Variants in KCTD16 observed in about 807,000 individuals in gnomAD.
KCTD16 encodes potassium channel tetramerization domain containing 16.
In KCTD16, 13 loss-of-function variants were observed where a neutral mutation model predicts 33.2. The observed-to-expected ratio is 0.39, with a 90% confidence interval of 0.25 to 0.62. KCTD16 has a LOEUF of 0.62. KCTD16 is among the 20% of genes least tolerant of loss of function. The probability of loss-of-function intolerance (pLI) is 0.50; values close to 1 mark genes in which losing one functional copy is unlikely to be tolerated. For missense variants in KCTD16, 441 were observed against 525.1 expected (o/e 0.84, Z 1.57); for synonymous variants, 197 against 195.3 (o/e 1.01, Z -0.07).
At chr5:144,311,992 A>G (rs1484809569) in intron 3 of KCTD16, among the ~76,000 whole-genome samples, 1 of 152,108 alleles carries the variant, frequency 6.6e-6, no homozygotes, top group East Asian at 1.9e-4. Context: ...TTCCCTCTGA[A>G]CATTGTTAAA....
At chr5:144,360,546 C>T (rs953116165) in intron 3 of KCTD16, among the ~76,000 whole-genome samples, 30 of 151,998 alleles carry the variant, frequency 2.0e-4, no homozygotes, top group African/African-American at 6.3e-4. Flanking sequence ...ATTCTTCTGC[C>T]TCAGCCTCCC....
rs1387361260 is a variant in KCTD16 at position 144,481,808 on chromosome 5, A to C, written c.*7694A>C. The C allele has an allele frequency of 6.6e-6, 1 of 151,970 alleles. No individual in the cohort carries two copies. Among genetic ancestry groups the C allele is most frequent in the Admixed American group, 6.6e-5 (1 of 15,226 alleles). The allele number at this position is 151,970 out of a possible 1,614,324, so 9.4% of individuals were successfully genotyped here. A position where few individuals can be genotyped will look rare whatever the true frequency, so the allele number is the denominator to read the frequency against. ...TTCATTCAATTCCTAGACTAACATTATTTCTATATGTAGTTCTGATCAGTA... is the reference window on the plus strand; with the variant it reads ...TTCATTCAATTCCTAGACTAACATTCTTTCTATATGTAGTTCTGATCAGTA... On this transcript the variant is annotated 3_prime_UTR_variant, in exon 4 of 4. Transcript: ENST00000512467.
chr5:144,286,437 A>G (rs1252808184), intron 3 of KCTD16, among the ~76,000 whole-genome samples: 1 of 152,200 alleles, frequency 6.6e-6, no homozygotes, highest in Non-Finnish European at 1.5e-5. Context: ...AAGTCACTTA[A>G]CAAATAATAT....
At chr5:144,296,108 T>G (rs1398606945) in intron 3 of KCTD16, among the ~76,000 whole-genome samples, 2 of 152,204 alleles carry the variant, frequency 1.3e-5, no homozygotes, top group Non-Finnish European at 2.9e-5. Flanking sequence ...TTTCTGCTAT[T>G]GCATGCAAAG....
intron 2 of KCTD16, among the ~76,000 whole-genome samples, chr5:144,180,277 A>C (rs1054933184): frequency 3.3e-5 from 5 of 152,178 alleles, no homozygotes; most frequent in African/African-American, 1.2e-4. Flanking sequence ...GAGGGATAGC[A>C]TACTTTGAGA....
intron 3 of KCTD16, among the ~76,000 whole-genome samples, chr5:144,431,468 C>A (rs115076837): frequency 9.8e-4 from 149 of 152,254 alleles, no homozygotes; most frequent in African/African-American, 3.4e-3. Context: ...CAGTGCACAG[C>A]TTACTAATGG....
chr5:144,224,485 A>T lies in KCTD16; in HGVS notation c.832+16939A>T, dbSNP rs183602315. Among the ~76,000 whole-genome samples, 8 of 151,644 alleles carry T rather than the reference A, an allele frequency of 5.3e-5. No individual in the cohort carries two copies. The East Asian group carries it at 1.6e-3, about 29-fold the overall frequency. Reference sequence around the variant, plus strand: ...TTCTGACATAAAGAATTAATGGTAAACAAAAAAATCTATTTTGGGTGTGTT... The same window carrying T: ...TTCTGACATAAAGAATTAATGGTAATCAAAAAAATCTATTTTGGGTGTGTT... On this transcript the variant is annotated intron_variant, in intron 3 of 3. Transcript: ENST00000512467.
chr5:144,403,175 C>T (rs1310952207), intron 3 of KCTD16, among the ~76,000 whole-genome samples: 1 of 152,222 alleles, frequency 6.6e-6, no homozygotes, highest in East Asian at 1.9e-4. Flanking sequence ...AATTTAATCA[C>T]ATCTGAAAAG....
chr5:144,404,051 C>T (rs1752760921), intron 3 of KCTD16, among the ~76,000 whole-genome samples: 1 of 152,094 alleles, frequency 6.6e-6, no homozygotes, highest in Non-Finnish European at 1.5e-5. Flanking sequence ...AAGGGTGGAG[C>T]GTAGAACTCT....
intron 3 of KCTD16, among the ~76,000 whole-genome samples, chr5:144,368,129 C>T (rs79753630): frequency 0.027 from 4,050 of 151,992 alleles, 86 homozygotes; most frequent in African/African-American, 0.044. Context: ...AATAATTAAG[C>T]GAGAGTAACT....
intron 2 of KCTD16, among the ~76,000 whole-genome samples, chr5:144,197,873 G>A (rs899508440): frequency 6.6e-6 from 1 of 152,150 alleles, no homozygotes; most frequent in African/African-American, 2.4e-5. Context: ...TTATTAATTT[G>A]TTTGGCCACA....
intron 3 of KCTD16, among the ~76,000 whole-genome samples, chr5:144,403,158 G>C (rs1431577073): frequency 6.6e-6 from 1 of 152,170 alleles, no homozygotes; most frequent in Non-Finnish European, 1.5e-5. Flanking sequence ...CCCATCTCAA[G>C]ATCTTTAATT....
intron 3 of KCTD16, among the ~76,000 whole-genome samples, chr5:144,387,617 C>T (rs1390942852): frequency 1.3e-5 from 2 of 152,144 alleles, no homozygotes; most frequent in Non-Finnish European, 2.9e-5. Flanking sequence ...TGGAGTTGTG[C>T]ATAAGCCCCA....
At chr5:144,391,329 A>G (rs1752445007) in intron 3 of KCTD16, among the ~76,000 whole-genome samples, 1 of 152,234 alleles carries the variant, frequency 6.6e-6, no homozygotes, top group African/African-American at 2.4e-5. Flanking sequence ...TGATATATTT[A>G]TAAAGCTGAA....
intron 3 of KCTD16, among the ~76,000 whole-genome samples, chr5:144,454,805 C>A (rs1252425888): frequency 6.6e-6 from 1 of 151,846 alleles, no homozygotes; most frequent in Non-Finnish European, 1.5e-5. Flanking sequence ...GAAATTTAGA[C>A]CTGTAAAAAG....
At position 144,474,831 on chromosome 5, in the gene KCTD16, C is replaced by G. The variant is rs1024836801; in HGVS notation, c.*717C>G. 6.6e-6 allele frequency: 1 copy of G among 152,224 alleles called. No individual in the cohort carries two copies. The highest frequency in any genetic ancestry group is 2.4e-5 in the African/African-American group (1 of 41,450). The allele number at this position is 152,224 out of a possible 1,614,324, so 9.4% of individuals were successfully genotyped here. On this transcript the variant is annotated 3_prime_UTR_variant, in exon 4 of 4. Coordinates refer to ENST00000512467, the MANE Select transcript of KCTD16 (RefSeq NM_020768.4). ...TCCCAGCCTTTCTTCACAACACTTT[C>G]TAACATCAAATGACTCTCATCATCA... is the stretch of plus-strand genomic sequence containing the variant.
intron 3 of KCTD16, among the ~76,000 whole-genome samples, chr5:144,343,495 G>A (rs148611651): frequency 0.086 from 13,021 of 151,622 alleles, 1,368 homozygotes; most frequent in African/African-American, 0.25. Flanking sequence ...TTTTGCTAGC[G>A]GTCTATCAAT....
At chr5:144,175,332 A>G (rs1230910019) in intron 2 of KCTD16, among the ~76,000 whole-genome samples, 1 of 152,208 alleles carries the variant, frequency 6.6e-6, no homozygotes, top group African/African-American at 2.4e-5. Context: ...TCCTTATGCT[A>G]AAGCAGTAGG....
At chr5:144,176,454 C>T (rs1381123030) in intron 2 of KCTD16, among the ~76,000 whole-genome samples, 5 of 135,408 alleles carry the variant, frequency 3.7e-5, no homozygotes, top group African/African-American at 1.4e-4. Context: ...GGACTGCGGA[C>T]TGCAGTGGCG....
Sources: gnomAD v4.1 joint callset for allele counts (sites outside exome capture counted in the v4.1 genomes callset) on GRCh38, gnomAD v4.1.1 for gene constraint, MANE v1.5 for transcripts, NCBI Gene and HGNC (gene_info 2026-07-23, HGNC 2026-07-21) for gene names.